Variants in NBEAL1 observed in about 807,000 individuals in gnomAD.
NBEAL1 encodes neurobeachin-like protein 1.
A neutral mutation model predicts 351.3 loss-of-function variants in NBEAL1; 273 were observed. The ratio of observed to expected loss-of-function variants is 0.78; its 90% CI spans 0.70 to 0.86. The LOEUF (loss-of-function observed/expected upper bound fraction) is 0.86, where lower values mean the gene tolerates loss of function less well. Ranked by LOEUF, NBEAL1 falls within the 40% of genes least tolerant of loss-of-function variation. The pLI, the probability that NBEAL1 is intolerant of heterozygous loss-of-function variation, is 0.00. For synonymous variants in NBEAL1, 1,050 were observed against 1,086.4 expected (o/e 0.97, Z 0.66); for missense variants, 2,961 against 3,201.3 (o/e 0.92, Z 1.81).
rs76455076 is a variant in NBEAL1 at position 203,157,755 on chromosome 2, G to A, written c.5644G>A (p.Val1882Ile). Reference protein sequence around the residue: ...DTLLLEVVKQVKVSDMVEDKL... With the variant: ...DTLLLEVVKQIKVSDMVEDKL... ...ATTGCTTTTGGAAGTAGTGAAACAA[G>A]TAAAAGTTAGTGATATGGTGGAGGA... Residue 1882 changes from valine (V) to isoleucine (I), a missense_variant, in exon 36 of 56, where the codon GTA becomes ATA. Transcript: ENST00000683969. 1.3e-6 allele frequency: 2 copies of A among 1,597,272 alleles called. No homozygotes were observed. Among genetic ancestry groups the A allele is most frequent in the Non-Finnish European group, 1.7e-6 (2 of 1,172,360 alleles).
intron 29 of NBEAL1, 50 bp from the exon 30 acceptor site, chr2:203,138,112 T>C (rs781228403): frequency 6.3e-7 from 1 of 1,584,744 alleles, no homozygotes; most frequent in Non-Finnish European, 8.6e-7. Context: ...AATGTCCTAC[T>C]GTTTTTCTAA....
chr2:203,092,236 T>C (rs2062080223), intron 10 of NBEAL1, among the ~76,000 whole-genome samples: 1 of 152,118 alleles, frequency 6.6e-6, no homozygotes, highest in African/African-American at 2.4e-5. Flanking sequence ...TTTTACTAAT[T>C]TATACATGTA....
intron 2 of NBEAL1, among the ~76,000 whole-genome samples, chr2:203,033,087 G>C (rs1161331206): frequency 6.6e-6 from 1 of 150,914 alleles, no homozygotes; most frequent in Non-Finnish European, 1.5e-5. Context: ...TGCAAGCTCT[G>C]CCTCCCAGGT....
At chr2:203,132,398 A>T in intron 26 of NBEAL1, among the ~76,000 whole-genome samples, 1 of 152,258 alleles carries the variant, frequency 6.6e-6, no homozygotes, top group East Asian at 1.9e-4. Context: ...AAATATGTGC[A>T]AAAGATTGTT....
intron 2 of NBEAL1, among the ~76,000 whole-genome samples, chr2:203,022,996 A>G (rs1474312079): frequency 6.6e-6 from 1 of 152,226 alleles, no homozygotes. Flanking sequence ...AGCTCAGAGT[A>G]AACTTCCTTT....
At chr2:203,042,880 C>T (rs1172737512) in intron 3 of NBEAL1, among the ~76,000 whole-genome samples, 2 of 152,176 alleles carry the variant, frequency 1.3e-5, no homozygotes, top group Non-Finnish European at 2.9e-5. Context: ...GCCACTGCCC[C>T]TTGGCCAATG....
intron 47 of NBEAL1, 107 bp downstream of exon 47, chr2:203,194,018 G>A (rs569277549): frequency 2.4e-5 from 14 of 585,502 alleles, no homozygotes; most frequent in African/African-American, 1.9e-4. Context: ...TTTAATTCAA[G>A]ATAGTAAATT....
chr2:203,218,323 T>C lies in NBEAL1; in HGVS notation c.*969T>C. On this transcript the variant is annotated 3_prime_UTR_variant, in exon 56 of 56. Coordinates refer to ENST00000683969, the MANE Select transcript of NBEAL1 (RefSeq NM_001378026.1). The stretch of plus-strand genomic sequence containing the variant: ...TTTAGGATTATAGCTAATTTTATTA[T>C]ATAGTGTTAAATGTTGTGGTTGATT... The C allele has an allele frequency of 3.4e-5, 1 of 29,600 alleles. No individual in the cohort carries two copies. The highest frequency in any genetic ancestry group is 5.5e-4 in the Admixed American group (1 of 1,822). The allele number at this position is 29,600 out of a possible 1,614,324, so 1.8% of individuals were successfully genotyped here.
intron 12 of NBEAL1, among the ~76,000 whole-genome samples, chr2:203,105,322 C>T (rs1170159621): frequency 6.6e-6 from 1 of 151,704 alleles, no homozygotes; most frequent in Non-Finnish European, 1.5e-5. Context: ...AAAAATTAGC[C>T]AGGCATGGTG....
chr2:203,092,020 G>C (rs2062074614), intron 10 of NBEAL1, among the ~76,000 whole-genome samples: 1 of 152,132 alleles, frequency 6.6e-6, no homozygotes, highest in South Asian at 2.1e-4. Context: ...CTGCTAGTAG[G>C]AACTTAATTT....
At chr2:203,181,989 G>A (rs1488641306) in intron 43 of NBEAL1, 1 of 152,170 alleles carries the variant, frequency 6.6e-6, no homozygotes, top group Non-Finnish European at 1.5e-5. Flanking sequence ...TGTCCTGATG[G>A]CCTCCACTTC....
At chr2:203,060,350 A>C (rs1322778363) in intron 6 of NBEAL1, among the ~76,000 whole-genome samples, 1 of 152,162 alleles carries the variant, frequency 6.6e-6, no homozygotes, top group East Asian at 1.9e-4. Context: ...TTATTACACC[A>C]AAAAAGAGTC....
intron 48 of NBEAL1, among the ~76,000 whole-genome samples, chr2:203,197,907 C>G (rs2065283463): frequency 6.6e-6 from 1 of 150,864 alleles, no homozygotes; most frequent in Non-Finnish European, 1.5e-5. Context: ...GAGACTCCTT[C>G]TAAATAAAAA....
chr2:203,025,596 T>A (rs1486720133), intron 2 of NBEAL1, among the ~76,000 whole-genome samples: 1 of 152,226 alleles, frequency 6.6e-6, no homozygotes, highest in Admixed American at 6.5e-5. Context: ...TTCTCCTATA[T>A]GCAAAATGTA....
chr2:203,193,162 G>A (rs1049366634), intron 46 of NBEAL1, among the ~76,000 whole-genome samples: 3 of 151,700 alleles, frequency 2.0e-5, no homozygotes, highest in Non-Finnish European at 4.4e-5. Context: ...AGTAGATACA[G>A]GGTTTCACCA....
chr2:203,084,492 G>T lies in NBEAL1; in HGVS notation c.1021G>T (p.Asp341Tyr), dbSNP rs1026168728. 9.0e-5 allele frequency: 138 copies of T among 1,539,156 alleles called. No homozygotes were observed. Among genetic ancestry groups the T allele is most frequent in the Non-Finnish European group, 1.2e-4 (137 of 1,141,414 alleles). The change falls in exon 10 of 56, where the codon GAT becomes TAT. Residue 341 changes from aspartate to tyrosine, a missense_variant. By Grantham distance (160) the Asp-to-Tyr change is radical (BLOSUM62 -3). Coordinates refer to ENST00000683969, the MANE Select transcript of NBEAL1 (RefSeq NM_001378026.1). ...CATCACAGCCATGTTAGATTGTACA[G>T]ATAGACCTGTTCTTCAGGCCATTTT... is the stretch of plus-strand genomic sequence containing the variant. ...NTITAMLDCT[D>Y]RPVLQAIFLN... is the part of the protein sequence containing the mutation.
At chr2:203,124,974 T>C (rs947566031) in intron 19 of NBEAL1, among the ~76,000 whole-genome samples, 4 of 152,226 alleles carry the variant, frequency 2.6e-5, no homozygotes, top group African/African-American at 9.6e-5. Flanking sequence ...TACCACCAAA[T>C]GCATTTTTTT....
At chr2:203,082,779 T>A (rs1457158745) in intron 8 of NBEAL1, among the ~76,000 whole-genome samples, 1 of 152,216 alleles carries the variant, frequency 6.6e-6, no homozygotes, top group Non-Finnish European at 1.5e-5. Flanking sequence ...CATCAAGGAC[T>A]GAGGTCCTTC....
Position 203,112,112 on chromosome 2 carries a change from A to G in NBEAL1, c.2202+14A>G, listed in dbSNP as rs764518150. 119 of 1,547,938 alleles carry G rather than the reference A, an allele frequency of 7.7e-5. No homozygotes were observed. Among genetic ancestry groups the G allele is most frequent in the Non-Finnish European group, 1.0e-4 (115 of 1,146,136 alleles). On this transcript the variant is annotated intron_variant, in intron 16 of 55. Coordinates refer to ENST00000683969, the MANE Select transcript of NBEAL1 (RefSeq NM_001378026.1). The stretch of plus-strand genomic sequence containing the variant: ...GCCATGAATGAAGTAAGTATATCCA[A>G]CCTACTCTTTACGGGCCCTATTGGT...
Sources: gnomAD v4.1 joint callset for allele counts (sites outside exome capture counted in the v4.1 genomes callset) on GRCh38, gnomAD v4.1.1 for gene constraint, MANE v1.5 for transcripts, NCBI Gene and HGNC (gene_info 2026-07-23, HGNC 2026-07-21) for gene names.